SZT2: variants seen among roughly 807,000 people sequenced by gnomAD.
SZT2 encodes SZT2 subunit of KICSTOR complex, also known as KICSTOR complex protein SZT2.
A neutral mutation model predicts 404.2 loss-of-function variants in SZT2; 216 were observed. The ratio of observed to expected loss-of-function variants is 0.53; its 90% CI spans 0.48 to 0.60. SZT2 has a LOEUF of 0.60. Among genes scored for constraint, SZT2 ranks in the 20% least tolerant of loss-of-function variants. The probability of loss-of-function intolerance (pLI) is 0.00; values close to 1 mark genes in which losing one functional copy is unlikely to be tolerated. For synonymous variants in SZT2, 1,693 were observed against 1,749.9 expected, an observed-to-expected ratio of 0.97 and a Z score of 0.81; for missense variants, 3,857 against 4,459.2, an observed-to-expected ratio of 0.86 and a Z score of 3.85.
At chr1:43,411,675 A>G (rs1482609341) in intron 4 of SZT2, among the ~76,000 whole-genome samples, 1 of 151,954 alleles carries the variant, frequency 6.6e-6, no homozygotes, top group Non-Finnish European at 1.5e-5. Flanking sequence ...AACCAAGTGA[A>G]ATGACTTTGG....
chr1:43,450,059 GAGGGTCTGT>G lies in SZT2; in HGVS notation c.10087-34_10087-26del, dbSNP rs759784720. The G allele has an allele frequency of 2.5e-5, 41 of 1,612,818 alleles. No homozygotes were observed. The South Asian group carries it at 4.3e-4, about 17-fold the overall frequency. Reference sequence around the variant, plus strand: ...CCCTTCACCTCAGGATGCCCTGTGGGAGGGTCTGTAGGGTCTGTGTCCCCTCCTCATCTT... The same window carrying G: ...CCCTTCACCTCAGGATGCCCTGTGGGAGGGTCTGTGTCCCCTCCTCATCTT... On this transcript the variant is annotated intron_variant, in intron 70 of 71. Coordinates refer to ENST00000634258, the MANE Select transcript of SZT2 (RefSeq NM_001365999.1). The surrounding 1 kb of genome is among the most constrained non-coding windows in gnomAD (Gnocchi z 4.3).
chr1:43,440,392 A>G, intron 51 of SZT2, 61 bp from the exon 52 acceptor site: 2 of 1,517,304 alleles, frequency 1.3e-6, no homozygotes, highest in Non-Finnish European at 8.8e-7. Flanking sequence ...CTTGAGGTTC[A>G]GTTTTCTAGA....
chr1:43,411,211 C>G (rs1380412250), intron 4 of SZT2, among the ~76,000 whole-genome samples: 3 of 152,228 alleles, frequency 2.0e-5, no homozygotes. Flanking sequence ...GAACTTTATT[C>G]TCTCACTTCT....
intron 15 of SZT2, 102 bp downstream of exon 15, chr1:43,423,418 A>AAGGGTCT (rs1306512294): frequency 8.4e-7 from 1 of 1,193,082 alleles, no homozygotes; most frequent in African/African-American, 1.6e-5. Context: ...AGAGGTGTGG[A>AAGGGTCT]GTGCGTGGCT....
rs1653162504 is a variant in SZT2 at position 43,426,506 on chromosome 1, G to A, written c.3182G>A (p.Ser1061Asn). 6.3e-7 allele frequency: 1 copy of A among 1,593,912 alleles called. No homozygotes were observed. Residue 1061 changes from serine (S) to asparagine (N), a missense_variant, in exon 22 of 72, where the codon AGT (serine) becomes AAT (asparagine). Transcript: ENST00000634258. The surrounding 1 kb of genome is among the most constrained non-coding windows in gnomAD (Gnocchi z 4.9). Reference protein sequence around the residue: ...LTPVDQAAFLSEVLRRTCHVP... With the variant: ...LTPVDQAAFLNEVLRRTCHVP... ...CCCGTTGACCAGGCTGCCTTCTTGA[G>A]TGAGGTGCTGCGGCGGACCTGCCAC...
chr1:43,431,582 A>G, intron 35 of SZT2, 59 bp downstream of exon 35: 1 of 1,609,078 alleles, frequency 6.2e-7, no homozygotes. Flanking sequence ...GAGTGAGATA[A>G]GGTACCCCCT....
chr1:43,433,042 G>A lies in SZT2; in HGVS notation c.5656G>A (p.Gly1886Ser). 1 of 1,614,122 alleles carries A rather than the reference G, an allele frequency of 6.2e-7. No homozygotes were observed. The highest frequency in any genetic ancestry group is 8.5e-7 in the Non-Finnish European group (1 of 1,180,016). ...CAGTGAGGGTCCCAATGACACCCTT[G>A]GTGAGAAGGCCCCCTTCACATTGCG... ...SDSEGPNDTL[G>S]EKAPFTLRTP... is the part of the protein sequence containing the mutation. Residue 1886 changes from glycine (G) to serine (S), a missense_variant, in exon 40 of 72, where the codon GGT becomes AGT. Gly to Ser is a moderately conservative substitution (Grantham distance 56, BLOSUM62 0). Around this residue, in one of 7 missense-constraint regions of SZT2, gnomAD observed 1,725 missense variants for 1,881.0 expected, o/e 0.92. Coordinates refer to ENST00000634258, the MANE Select transcript of SZT2 (RefSeq NM_001365999.1).
chr1:43,396,462 T>C (rs1169610666), intron 1 of SZT2, among the ~76,000 whole-genome samples: 1 of 152,180 alleles, frequency 6.6e-6, no homozygotes, highest in African/African-American at 2.4e-5. Context: ...AGATTCTGGC[T>C]CTATGTGAGG....
chr1:43,391,896 ACGGTG>A (rs1648393919), intron 1 of SZT2, among the ~76,000 whole-genome samples: 1 of 26,794 alleles, frequency 3.7e-5, no homozygotes, highest in African/African-American at 1.6e-4. Context: ...CCTGGCTAAA[ACGGTG>A]AAACCCTGTC....
Position 43,450,362 on chromosome 1 carries a change from C to T in SZT2, c.10181C>T (p.Pro3394Leu). 1 of 1,614,074 alleles carries T rather than the reference C, an allele frequency of 6.2e-7. No individual in the cohort carries two copies. The highest frequency in any genetic ancestry group is 2.2e-5 in the East Asian group (1 of 44,872). Residue 3394 changes from proline (P) to leucine (L), a missense_variant, in exon 72 of 72, where the codon CCC becomes CTC. This residue lies in a region of SZT2 where 717 missense variants were observed against 868.2 expected (regional missense o/e 0.83). Transcript: ENST00000634258. This position sits in a 1 kb window ranked among gnomAD's most constrained non-coding sequence, Gnocchi z 4.3. ...KTSLTVVFRE[P>L]FPVQPQDSES... ...TCTCTGACAGTGGTTTTCCGAGAGC[C>T]CTTCCCAGTACAGCCCCAGGACAGC...
At chr1:43,444,789 G>A (rs1655485399) in intron 62 of SZT2, among the ~76,000 whole-genome samples, 1 of 152,128 alleles carries the variant, frequency 6.6e-6, no homozygotes, top group Admixed American at 6.5e-5. Flanking sequence ...GGCTGTATGC[G>A]AAAAATGAGC....
At chr1:43,394,350 A>G (rs1648744664) in intron 1 of SZT2, among the ~76,000 whole-genome samples, 1 of 151,714 alleles carries the variant, frequency 6.6e-6, no homozygotes, top group Non-Finnish European at 1.5e-5. Context: ...CTGGGACTAC[A>G]GGTGTGAGCC....
At chr1:43,417,258 G>T (rs374399655) in intron 7 of SZT2, among the ~76,000 whole-genome samples, 7 of 152,270 alleles carry the variant, frequency 4.6e-5, no homozygotes, top group African/African-American at 1.7e-4. Context: ...GAGAGGATCA[G>T]GGCTTAAATT....
chr1:43,443,018 C>A lies in SZT2; in HGVS notation c.8351C>A (p.Pro2784His). 1 of 1,614,072 alleles carries A rather than the reference C, an allele frequency of 6.2e-7. No homozygotes were observed. The highest frequency in any genetic ancestry group is 1.3e-5 in the African/African-American group (1 of 75,012). ...CCCAGCTCCGTACTTGGTCCTGTGC[C>A]CAGACCTCCTGATCCTGTCACCTAC... ...ARPSSVLGPV[P>H]RPPDPVTYHG... is the part of the protein sequence containing the mutation. The change falls in exon 59 of 72, where the codon CCC becomes CAC. Residue 2784 changes from proline (P) to histidine (H), a missense_variant. Pro to His is a moderately conservative substitution (Grantham distance 77). Around this residue, in one of 7 missense-constraint regions of SZT2, gnomAD observed 717 missense variants for 868.2 expected, o/e 0.83. Coordinates refer to ENST00000634258, the MANE Select transcript of SZT2 (RefSeq NM_001365999.1).
rs776016543 is a variant in SZT2, at chr1:43,442,987, G to A, written c.8320G>A (p.Ala2774Thr). ...CGAGGCCCTAAGGGATATCACGGCT[G>A]CCCGCCCCAGCTCCGTACTTGGTCC... ...FDEALRDITAARPSSVLGPVP... is the reference protein window; with the variant it reads ...FDEALRDITATRPSSVLGPVP... Residue 2774 changes from alanine to threonine, a missense_variant, in exon 59 of 72, where the codon GCC becomes ACC. This residue lies in a region of SZT2 where 6 missense variants were observed against 17.5 expected (regional missense o/e 0.34). Coordinates refer to ENST00000634258, the MANE Select transcript of SZT2 (RefSeq NM_001365999.1). The surrounding 1 kb of genome is among the most constrained non-coding windows in gnomAD (Gnocchi z 4.5). 6.2e-7 allele frequency: 1 copy of A among 1,614,124 alleles called. No homozygotes were observed. Among genetic ancestry groups the A allele is most frequent in the South Asian group, 1.1e-5 (1 of 91,082 alleles).
intron 11 of SZT2, 71 bp from the exon 12 acceptor site, chr1:43,422,007 GGTTTT>G: frequency 1.3e-6 from 2 of 1,484,960 alleles, no homozygotes; most frequent in Non-Finnish European, 1.8e-6. Flanking sequence ...GTCCACCCAT[GGTTTT>G]GTTTGCTCTT....
chr1:43,450,163 G>A lies in SZT2; in HGVS notation c.10147G>A (p.Gly3383Arg). 1.2e-6 allele frequency: 2 copies of A among 1,614,094 alleles called. No homozygotes were observed. Among genetic ancestry groups the A allele is most frequent in the Non-Finnish European group, 1.7e-6 (2 of 1,179,970 alleles). The part of the protein sequence containing the change: ...FVLVFLDSHL[G>R]KTSLTVVFRE... Reference sequence around the variant, plus strand: ...GCTAGTGTTTCTGGACTCCCACTTAGGAAAGACGGTAAGAACGAGTGGGGG... The same window carrying A: ...GCTAGTGTTTCTGGACTCCCACTTAAGAAAGACGGTAAGAACGAGTGGGGG... The change falls in exon 71 of 72, where the codon GGA (glycine) becomes AGA (arginine). Residue 3383 changes from glycine to arginine, a missense_variant. Transcript: ENST00000634258. The surrounding 1 kb of genome is among the most constrained non-coding windows in gnomAD (Gnocchi z 4.3).
intron 41 of SZT2, 57 bp from the exon 42 acceptor site, chr1:43,435,143 C>A: frequency 6.3e-7 from 1 of 1,595,642 alleles, no homozygotes; most frequent in Non-Finnish European, 8.6e-7. Flanking sequence ...CCCTGACCAC[C>A]ACCACCCACT....
At chr1:43,416,713 C>A in intron 7 of SZT2, 72 bp downstream of exon 7, 1 of 1,196,038 alleles carries the variant, frequency 8.4e-7, no homozygotes, top group Non-Finnish European at 1.2e-6. Flanking sequence ...TGATTACTTT[C>A]TTACAGGCAG....
Sources: allele counts gnomAD v4.1 joint callset (sites outside exome capture counted in the v4.1 genomes callset), GRCh38; gene constraint gnomAD v4.1.1; regional missense constraint gnomAD v4.1.1; non-coding constraint Gnocchi (gnomAD v3.1); transcripts MANE v1.5; gene names NCBI Gene and HGNC (gene_info 2026-07-23, HGNC 2026-07-21).